GNAQ: variants seen among roughly 807,000 people sequenced by gnomAD.
The protein encoded by GNAQ is G protein subunit alpha q, also known as guanine nucleotide-binding protein G(q) subunit alpha.
GNAQ carries 8 observed loss-of-function variants against 43.9 expected under a neutral mutation model. The observed-to-expected ratio is 0.18, with a 90% CI of 0.11 to 0.33. The LOEUF (loss-of-function observed/expected upper bound fraction) is 0.33. Ranked by LOEUF, GNAQ falls within the 10% of genes least tolerant of loss-of-function variation. The pLI is 1.00. For missense variants in GNAQ, 158 were observed against 450.8 expected (o/e 0.35, Z 5.88); for synonymous variants, 155 against 170.7 (o/e 0.91, Z 0.71).
chr9:77,982,337 G>T lies in GNAQ; in HGVS notation c.136+48763C>A, dbSNP rs553819093. On this transcript the variant is annotated intron_variant, in intron 1 of 6. Coordinates refer to ENST00000286548, the MANE Select transcript of GNAQ (RefSeq NM_002072.5). ...GAGAAACACTTGACCACTGATGTTG[G>T]CGAAGTAAAACAAAAATTTTTTTAA... Among the ~76,000 whole-genome samples, 3 of 152,272 alleles carry T rather than the reference G, an allele frequency of 2.0e-5. No homozygotes were observed. The South Asian group carries it at 6.2e-4, about 32-fold the overall frequency.
intron 6 of GNAQ, among the ~76,000 whole-genome samples, chr9:77,722,019 ATCTACAATGGGCC>A (rs1394784285): frequency 6.6e-6 from 1 of 152,236 alleles, no homozygotes; most frequent in Non-Finnish European, 1.5e-5. Flanking sequence ...GGTCAGGTCT[ATCTACAATGGGCC>A]TCTGTAACAG....
At chr9:78,021,197 T>G (rs543898637) in intron 1 of GNAQ, among the ~76,000 whole-genome samples, 25 of 152,118 alleles carry the variant, frequency 1.6e-4, no homozygotes, top group South Asian at 1.0e-3. Context: ...AGCTAATTTT[T>G]GTATTTTTGG....
rs575720385 is a variant in GNAQ, at chr9:77,757,750, T to C, written c.736-29083A>G. The stretch of plus-strand genomic sequence containing the variant: ...TATGTAAGTCCATTAATGACATAAA[T>C]GTTCTTCAATTTCACTGACTGTACA... On this transcript the variant is annotated intron_variant, in intron 5 of 6. Coordinates refer to ENST00000286548, the MANE Select transcript of GNAQ (RefSeq NM_002072.5). Among the ~76,000 whole-genome samples the C allele has an allele frequency of 3.3e-5, 5 of 152,346 alleles. No individual in the cohort carries two copies. The South Asian group carries it at 1.0e-3, about 32-fold the overall frequency.
At chr9:77,825,075 T>C (rs1395926679) in intron 2 of GNAQ, among the ~76,000 whole-genome samples, 1 of 152,222 alleles carries the variant, frequency 6.6e-6, no homozygotes, top group Non-Finnish European at 1.5e-5. Flanking sequence ...TTTTGTGTGG[T>C]TGATTATATT....
In GNAQ at chr9:77,904,388, A is replaced by T. The variant is rs573675802; in HGVS notation, c.321+17773T>A. 1.8e-3 allele frequency among the ~76,000 whole-genome samples: 226 copies of T among 122,328 alleles called. 2 individuals are homozygous for T. Among genetic ancestry groups the T allele is most frequent in the African/African-American group, 6.3e-3 (194 of 30,728 alleles). 80.3% of individuals were successfully genotyped at this position (122,328 alleles called of 152,430 possible). ...CGCTCTGTTGCCCAGGCTGGAGTGC[A>T]GTGGTACGATCTTGGCTCACTGCAA... On this transcript the variant is annotated intron_variant, in intron 2 of 6. Coordinates refer to ENST00000286548, the MANE Select transcript of GNAQ (RefSeq NM_002072.5).
At chr9:77,738,643 C>T (rs1362138939) in intron 5 of GNAQ, among the ~76,000 whole-genome samples, 1 of 152,010 alleles carries the variant, frequency 6.6e-6, no homozygotes, top group African/African-American at 2.4e-5. Flanking sequence ...CATTTTTGTA[C>T]CATTGTTGTC....
chr9:77,781,405 A>T (rs1299571950), intron 5 of GNAQ, among the ~76,000 whole-genome samples: 3 of 152,106 alleles, frequency 2.0e-5, no homozygotes, highest in Non-Finnish European at 4.4e-5. Flanking sequence ...GGCTATAGAT[A>T]TAGGGGTTAC....
At chr9:77,744,198 G>C (rs186274373) in intron 5 of GNAQ, among the ~76,000 whole-genome samples, 14 of 152,306 alleles carry the variant, frequency 9.2e-5, no homozygotes, top group Admixed American at 9.1e-4. Flanking sequence ...TGGCCTTGCT[G>C]AACAAGAATT....
intron 5 of GNAQ, among the ~76,000 whole-genome samples, chr9:77,757,849 A>G (rs1564101493): frequency 6.6e-6 from 1 of 152,240 alleles, no homozygotes; most frequent in Non-Finnish European, 1.5e-5. Context: ...TAACACGGAA[A>G]GTCCTTCTTT....
intron 2 of GNAQ, among the ~76,000 whole-genome samples, chr9:77,872,883 C>T (rs983871119): frequency 2.6e-5 from 4 of 152,186 alleles, no homozygotes; most frequent in Non-Finnish European, 4.4e-5. Context: ...CACTCTCCCT[C>T]GGTAAGGACC....
intron 2 of GNAQ, among the ~76,000 whole-genome samples, chr9:77,844,715 G>A (rs556839476): frequency 1.2e-4 from 18 of 151,884 alleles, no homozygotes; most frequent in African/African-American, 4.3e-4. Context: ...TCTTGTCACT[G>A]AGGCTGGAGT....
At chr9:77,860,474 C>T (rs11145594) in intron 2 of GNAQ, among the ~76,000 whole-genome samples, 81,188 of 151,886 alleles carry the variant, frequency 0.53, 25,042 homozygotes, top group Non-Finnish European at 0.7. Context: ...GGTGAGGCGG[C>T]GGGGGGATTG....
At position 77,943,343 on chromosome 9, in the gene GNAQ, G is replaced by A. The variant is rs143987659; in HGVS notation, c.137-20998C>T. ...CAGTATATACTGACACATGTTCGAC[G>A]TGTCTTGAGAAAAGGAAAAATATGT... On this transcript the variant is annotated intron_variant, in intron 1 of 6. Transcript: ENST00000286548. Among the ~76,000 whole-genome samples, 1,130 of 152,308 alleles carry A rather than the reference G, an allele frequency of 7.4e-3. 1 individual carries two copies. Among genetic ancestry groups the A allele is most frequent in the Middle Eastern group, 0.044 (13 of 294 alleles).
chr9:77,897,594 G>A (rs1487108069), intron 2 of GNAQ, among the ~76,000 whole-genome samples: 3 of 152,238 alleles, frequency 2.0e-5, no homozygotes, highest in East Asian at 3.9e-4. Flanking sequence ...ATGGGCTGAT[G>A]AGCCTCCAAA....
Position 77,939,950 on chromosome 9 carries a change from CACTT to C in GNAQ, c.137-17609_137-17606del, listed in dbSNP as rs771250812. On this transcript the variant is annotated intron_variant, in intron 1 of 6. Transcript: ENST00000286548. Reference sequence around the variant, plus strand: ...AGTTATGTACTCGCTGATGTCCTGACACTTAATGATTAGGGTGATCATATAATTT... The same window carrying C: ...AGTTATGTACTCGCTGATGTCCTGACAATGATTAGGGTGATCATATAATTT... Among the ~76,000 whole-genome samples, 278 of 152,246 alleles carry C rather than the reference CACTT, an allele frequency of 1.8e-3. 1 individual carries two copies. Among genetic ancestry groups the C allele is most frequent in the Non-Finnish European group, 3.2e-3 (220 of 68,016 alleles).
intron 2 of GNAQ, among the ~76,000 whole-genome samples, chr9:77,830,659 T>C (rs928178438): frequency 1.3e-5 from 2 of 152,236 alleles, no homozygotes; most frequent in Admixed American, 6.5e-5. Context: ...ATCTGGCAGA[T>C]ATTTTTGTAT....
chr9:77,723,165 G>T (rs1443565461), intron 6 of GNAQ, among the ~76,000 whole-genome samples: 1 of 152,172 alleles, frequency 6.6e-6, no homozygotes, highest in African/African-American at 2.4e-5. Context: ...CTCAATAATG[G>T]TAATCATTTA....
intron 1 of GNAQ, among the ~76,000 whole-genome samples, chr9:77,963,434 G>A (rs1018303508): frequency 1.3e-5 from 2 of 152,164 alleles, no homozygotes; most frequent in Non-Finnish European, 2.9e-5. Flanking sequence ...ACAGTCAAGA[G>A]TGGAGCTTTC....
intron 2 of GNAQ, among the ~76,000 whole-genome samples, chr9:77,877,467 C>T (rs936355294): frequency 2.6e-5 from 4 of 152,048 alleles, no homozygotes; most frequent in African/African-American, 4.8e-5. Flanking sequence ...GACAAGTTCA[C>T]GTATTTTCAA....
Sources: gnomAD v4.1 joint callset for allele counts (sites outside exome capture counted in the v4.1 genomes callset) on GRCh38, gnomAD v4.1.1 for gene constraint, MANE v1.5 for transcripts, NCBI Gene and HGNC (gene_info 2026-07-23, HGNC 2026-07-21) for gene names.